The following GLS variants were observed in gnomAD, a reference collection of about 807,000 sequenced individuals.
GLS encodes the protein glutaminase kidney isoform, mitochondrial.
Under a neutral mutation model 86.7 loss-of-function variants are expected in GLS, and 36 were observed. The ratio of observed to expected loss-of-function variants is 0.42; its 90% confidence interval spans 0.32 to 0.55. GLS has a LOEUF of 0.55. Ranked by LOEUF, GLS falls within the 20% of genes least tolerant of loss-of-function variation. The probability of loss-of-function intolerance (pLI) is 0.17; values close to 1 mark genes in which losing one functional copy is unlikely to be tolerated. For missense variants in GLS, 528 were observed against 833.4 expected (o/e 0.63, Z 4.51); for synonymous variants, 317 against 305.9 (o/e 1.04, Z -0.38).
rs1690840693 is a variant in GLS, at chr2:190,955,529, C to T, written c.1853+711C>T. Among the ~76,000 whole-genome samples the T allele has an allele frequency of 1.3e-5, 2 of 152,054 alleles. No individual in the cohort carries two copies. Among genetic ancestry groups the T allele is most frequent in the South Asian group, 4.2e-4 (2 of 4,818 alleles). On this transcript the variant is annotated intron_variant, in intron 17 of 17. Coordinates refer to ENST00000320717, the MANE Select transcript of GLS (RefSeq NM_014905.5). This position sits in a 1 kb window ranked among gnomAD's most constrained non-coding sequence, Gnocchi z 5.6. ...ACATTTTCTTTATCCAGTCTATTAT[C>T]GATGGTCATTTGGGTTAGTTCCAAG...
chr2:190,953,424 A>G lies in GLS; in HGVS notation c.1651-141A>G. The stretch of plus-strand genomic sequence containing the variant: ...ATCACACACGTGGGTTCTTTTGGCT[A>G]TGGAAGTGTCCTTGAGATCACTTTT... On this transcript the variant is annotated intron_variant, in intron 14 of 17. Transcript: ENST00000320717. This position sits in a 1 kb window ranked among gnomAD's most constrained non-coding sequence, Gnocchi z 4.0. 8.0e-6 allele frequency: 5 copies of G among 621,578 alleles called. No homozygotes were observed. The highest frequency in any genetic ancestry group is 6.8e-5 in the Admixed American group (3 of 44,296). 38.5% of individuals were successfully genotyped at this position (621,578 alleles called of 1,614,324 possible).
At chr2:190,932,586 C>A in intron 14 of GLS, 1 of 603,576 alleles carries the variant, frequency 1.7e-6, no homozygotes, top group Non-Finnish European at 2.5e-6. Context: ...TAACATGAAG[C>A]AAAATGTCAG....
Position 190,895,414 on chromosome 2 carries a change from C to T in GLS, c.483+166C>T, listed in dbSNP as rs1688698678. 1 of 543,488 alleles carries T rather than the reference C, an allele frequency of 1.8e-6. No homozygotes were observed. The highest frequency in any genetic ancestry group is 3.2e-6 in the Non-Finnish European group (1 of 309,886). 33.7% of individuals were successfully genotyped at this position (543,488 alleles called of 1,614,324 possible). ...TTTGTCATGCTCATTTCAAGGTAAT[C>T]AGTGAAAGAAAAAGAAAGAAACAAT... On this transcript the variant is annotated intron_variant, in intron 2 of 17. Transcript: ENST00000320717. This position sits in a 1 kb window ranked among gnomAD's most constrained non-coding sequence, Gnocchi z 4.2.
At chr2:190,881,771 C>T in intron 1 of GLS, 1 of 286,720 alleles carries the variant, frequency 3.5e-6, no homozygotes, top group South Asian at 7.3e-5. Context: ...AGAGAGGCCG[C>T]TCCCCTGCCC....
rs755174923 is a variant in GLS, at chr2:190,956,895, GCTCT to G, written c.1853+2082_1853+2085del. Among the ~76,000 whole-genome samples the G allele has an allele frequency of 1.3e-5, 2 of 151,982 alleles. No homozygotes were observed. The highest frequency in any genetic ancestry group is 1.9e-4 in the East Asian group (1 of 5,180). ...TGAATGGGAGTTCACTCATGATTTG[GCTCT>G]CTCTTTGTCTATTATTGGTGTATAG... On this transcript the variant is annotated intron_variant, in intron 17 of 17. Coordinates refer to ENST00000320717, the MANE Select transcript of GLS (RefSeq NM_014905.5). The surrounding 1 kb of genome is among the most constrained non-coding windows in gnomAD (Gnocchi z 4.2).
At position 190,962,966 on chromosome 2, in the gene GLS, A is replaced by G; in HGVS notation, c.1990A>G (p.Asn664Asp). 1.2e-6 allele frequency: 2 copies of G among 1,606,504 alleles called. No individual in the cohort carries two copies. The highest frequency in any genetic ancestry group is 1.7e-6 in the Non-Finnish European group (2 of 1,177,292). ...GAAGGAAAATCAAACCGTCCATAAG[A>G]ATCTTGATGGATTGTTGTAATGGTC... ...NGKENQTVHK[N>D]LDGLL The change falls in exon 18 of 18, where the codon AAT becomes GAT. Residue 664 changes from asparagine (N) to aspartate (D), a missense_variant. Asn to Asp is a conservative substitution (Grantham distance 23). Coordinates refer to ENST00000320717, the MANE Select transcript of GLS (RefSeq NM_014905.5). The surrounding 1 kb of genome is among the most constrained non-coding windows in gnomAD (Gnocchi z 4.2).
intron 7 of GLS, among the ~76,000 whole-genome samples, chr2:190,915,718 G>A (rs1225123371): frequency 1.3e-5 from 2 of 152,080 alleles, no homozygotes; most frequent in Non-Finnish European, 1.5e-5. Flanking sequence ...TCAAATTTTA[G>A]TACAGTGCAC....
intron 5 of GLS, among the ~76,000 whole-genome samples, chr2:190,902,390 T>C (rs1458792257): frequency 6.6e-6 from 1 of 152,170 alleles, no homozygotes; most frequent in Non-Finnish European, 1.5e-5. Context: ...TGGTAACCCA[T>C]CTGTCGTTGT....
intron 14 of GLS, among the ~76,000 whole-genome samples, chr2:190,948,322 A>G (rs529412058): frequency 3.5e-4 from 54 of 152,314 alleles, no homozygotes; most frequent in Non-Finnish European, 3.4e-4. Flanking sequence ...GCCTTTGTAC[A>G]TTAAAGTTTC....
chr2:190,956,281 CTT>C lies in GLS; in HGVS notation c.1853+1464_1853+1465del, dbSNP rs1690859550. Among the ~76,000 whole-genome samples, 1 of 152,126 alleles carries C rather than the reference CTT, an allele frequency of 6.6e-6. No individual in the cohort carries two copies. Among genetic ancestry groups the C allele is most frequent in the Non-Finnish European group, 1.5e-5 (1 of 68,016 alleles). On this transcript the variant is annotated intron_variant, in intron 17 of 17. Transcript: ENST00000320717. This position sits in a 1 kb window ranked among gnomAD's most constrained non-coding sequence, Gnocchi z 4.2. Reference sequence around the variant, plus strand: ...TCTTATGTTTAAGTCTTTAATCCATCTTGAGTTAATTTTTGTATAAGGTGAAA... The same window carrying C: ...TCTTATGTTTAAGTCTTTAATCCATCGAGTTAATTTTTGTATAAGGTGAAA...
rs1558975786 is a variant in GLS, at chr2:190,908,925, ATG to A, written c.980-1335_980-1334del. ...TGGAAAATATTTAATACTCACATTT[ATG>A]TGATACCATTTGGAGTACATAGATT... is the stretch of plus-strand genomic sequence containing the variant. On this transcript the variant is annotated intron_variant, in intron 6 of 17. Transcript: ENST00000320717. Among the ~76,000 whole-genome samples the A allele has an allele frequency of 2.3e-3, 346 of 152,342 alleles. 7 individuals carry two copies. The East Asian group carries it at 0.059, about 26-fold the overall frequency.
Position 190,957,121 on chromosome 2 carries a change from C to T in GLS, c.1853+2303C>T, listed in dbSNP as rs902945925. On this transcript the variant is annotated intron_variant, in intron 17 of 17. Coordinates refer to ENST00000320717, the MANE Select transcript of GLS (RefSeq NM_014905.5). ...TCTTTCTTTTCTGAGACAAGAGTCT[C>T]GCTCTGTCAGCCAGGCTGGAGTGCA... Among the ~76,000 whole-genome samples, 14 of 152,318 alleles carry T rather than the reference C, an allele frequency of 9.2e-5. No homozygotes were observed. The South Asian group carries it at 1.4e-3, about 16-fold the overall frequency.
At position 190,943,032 on chromosome 2, in the gene GLS, A is replaced by AGAAG. The variant is rs1690486778; in HGVS notation, c.1651-10533_1651-10532insGAAG. On this transcript the variant is annotated intron_variant, in intron 14 of 17. Coordinates refer to ENST00000320717, the MANE Select transcript of GLS (RefSeq NM_014905.5). The surrounding 1 kb of genome is among the most constrained non-coding windows in gnomAD (Gnocchi z 4.5). Reference sequence around the variant, plus strand: ...TCTAAAGAAAGAAGCTTTACTGGAAACTCACCTGACGCTCATTGACCAGAC... The same window carrying AGAAG: ...TCTAAAGAAAGAAGCTTTACTGGAAAGAAGCTCACCTGACGCTCATTGACCAGAC... 6.6e-6 allele frequency among the ~76,000 whole-genome samples: 1 copy of AGAAG among 152,156 alleles called. No individual in the cohort carries two copies. The highest frequency in any genetic ancestry group is 6.5e-5 in the Admixed American group (1 of 15,268).
At chr2:190,885,034 C>CTTTA (rs2125972817) in intron 1 of GLS, among the ~76,000 whole-genome samples, 1 of 152,110 alleles carries the variant, frequency 6.6e-6, no homozygotes, top group South Asian at 2.1e-4. Flanking sequence ...AATAAGCATG[C>CTTTA]TTTAAAATAT....
rs545932389 is a variant in GLS at position 190,930,081 on chromosome 2, T to C, written c.1426-356T>C. ...AATTTCCCAATTGTGTTTTTTTTTTTTTTGAAACTGGATCTTGCTCTGTCA... is the reference window on the plus strand; with the variant it reads ...AATTTCCCAATTGTGTTTTTTTTTTCTTTGAAACTGGATCTTGCTCTGTCA... On this transcript the variant is annotated intron_variant, in intron 12 of 17. Transcript: ENST00000320717. This position sits in a 1 kb window ranked among gnomAD's most constrained non-coding sequence, Gnocchi z 5.0. 1.3e-5 allele frequency among the ~76,000 whole-genome samples: 2 copies of C among 152,146 alleles called. No homozygotes were observed. The highest frequency in any genetic ancestry group is 4.1e-4 in the South Asian group (2 of 4,826).
Position 190,920,145 on chromosome 2 carries a change from C to T in GLS, c.1039-879C>T, listed in dbSNP as rs1278906644. The T allele has an allele frequency of 6.6e-6, 1 of 151,732 alleles. No individual in the cohort carries two copies. Among genetic ancestry groups the T allele is most frequent in the Non-Finnish European group, 1.5e-5 (1 of 67,762 alleles). The allele number at this position is 151,732 out of a possible 1,614,324, so 9.4% of individuals were successfully genotyped here. On this transcript the variant is annotated intron_variant, in intron 7 of 17. Transcript: ENST00000320717. This position sits in a 1 kb window ranked among gnomAD's most constrained non-coding sequence, Gnocchi z 4.2. ...AGTTGTCAAATTATTTTATTTTAAG[C>T]CTATTTTAGAAATTAGAGATGTATT...
chr2:190,932,237 A>G (rs1285778132), intron 14 of GLS, among the ~76,000 whole-genome samples: 1 of 151,920 alleles, frequency 6.6e-6, no homozygotes, highest in Non-Finnish European at 1.5e-5. Flanking sequence ...GCTTCATACT[A>G]TTGTACACAT....
At chr2:190,939,962 TA>T (rs1392066873) in intron 14 of GLS, among the ~76,000 whole-genome samples, 1 of 151,802 alleles carries the variant, frequency 6.6e-6, no homozygotes, top group Admixed American at 6.6e-5. Context: ...CAAAATGAGG[TA>T]ATTTAAAAAA....
At chr2:190,942,780 T>G (rs529977585) in intron 14 of GLS, among the ~76,000 whole-genome samples, 1 of 152,276 alleles carries the variant, frequency 6.6e-6, no homozygotes, top group East Asian at 1.9e-4. Flanking sequence ...TGACAGTGCT[T>G]TAAACATATG....
Sources: gnomAD v4.1 joint callset for allele counts (sites outside exome capture counted in the v4.1 genomes callset) on GRCh38, gnomAD v4.1.1 for gene constraint, Gnocchi (gnomAD v3.1) non-coding constraint, MANE v1.5 for transcripts, NCBI Gene and HGNC (gene_info 2026-07-23, HGNC 2026-07-21) for gene names.